SLC68A1: variants seen among roughly 807,000 people sequenced by gnomAD.
SLC68A1 encodes the protein solute carrier family 68 member 1, also known as major facilitator superfamily domain containing 13A.
At chr10:102,472,856 C>A in the SLC68A1 span, 1 of 1,613,788 alleles carries the variant, frequency 6.2e-7, no homozygotes, top group Non-Finnish European at 8.5e-7. Context: ...GGTTGCAGGT[C>A]TTCCACTGCC....
the SLC68A1 span, among the ~76,000 whole-genome samples, chr10:102,466,288 A>T: frequency 6.6e-6 from 1 of 152,114 alleles, no homozygotes; most frequent in Non-Finnish European, 1.5e-5. Context: ...GTTCAAGACC[A>T]GCCTGGGCAA....
chr10:102,462,152 C>G, the SLC68A1 span: 5 of 152,414 alleles, frequency 3.3e-5, no homozygotes, highest in Admixed American at 1.3e-4. Flanking sequence ...CACCCCCCAA[C>G]CCTGGTGCTA....
the SLC68A1 span, chr10:102,476,076 T>TG: frequency 9.1e-6 from 3 of 330,384 alleles, no homozygotes; most frequent in South Asian, 2.1e-4. Context: ...GATTTCATAG[T>TG]TTTTTTTTTT....
chr10:102,471,360 G>T, the SLC68A1 span: 1 of 1,613,614 alleles, frequency 6.2e-7, no homozygotes, highest in South Asian at 1.1e-5. Flanking sequence ...CACGCCATCG[G>T]AACTTCCTGT....
chr10:102,473,896 T>C, the SLC68A1 span: 7 of 1,614,030 alleles, frequency 4.3e-6, no homozygotes, highest in Non-Finnish European at 4.2e-6. Context: ...GACCTGGTGC[T>C]GAACCACCGC....
chr10:102,468,302 C>A, the SLC68A1 span: 3 of 152,188 alleles, frequency 2.0e-5, no homozygotes, highest in African/African-American at 7.2e-5. Flanking sequence ...GAAGCTAAGG[C>A]CTGGGTTGGG....
the SLC68A1 span, chr10:102,469,306 C>A: frequency 9.6e-7 from 1 of 1,043,350 alleles, no homozygotes; most frequent in Non-Finnish European, 1.5e-6. Context: ...CAGTCAGAGG[C>A]CTGGGCAGTC....
At chr10:102,475,465 G>A in the SLC68A1 span, among the ~76,000 whole-genome samples, 1 of 152,106 alleles carries the variant, frequency 6.6e-6, no homozygotes, top group African/African-American at 2.4e-5. Context: ...TGAAGGATTG[G>A]GTGTTGGGGA....
At chr10:102,470,711 C>T in the SLC68A1 span, 1 of 1,612,712 alleles carries the variant, frequency 6.2e-7, no homozygotes. Flanking sequence ...GGCCCGGGTG[C>T]AGGCCCTGGG....
chr10:102,472,145 A>G, the SLC68A1 span: 2 of 398,562 alleles, frequency 5.0e-6, no homozygotes, highest in African/African-American at 2.1e-5. Flanking sequence ...CCTGGGCGGC[A>G]GAGAAAGGCT....
chr10:102,469,778 C>T, the SLC68A1 span: 1 of 908,726 alleles, frequency 1.1e-6, no homozygotes, highest in East Asian at 1.2e-4. Flanking sequence ...AACTCCTGAC[C>T]TCAGGTGATC....
the SLC68A1 span, among the ~76,000 whole-genome samples, chr10:102,462,477 T>C: frequency 6.6e-6 from 1 of 152,160 alleles, no homozygotes; most frequent in African/African-American, 2.4e-5. Flanking sequence ...CTGATACCTC[T>C]CACTCCAGGG....
At chr10:102,473,454 GCA>G in the SLC68A1 span, 2 of 1,078,092 alleles carry the variant, frequency 1.9e-6, no homozygotes, top group Non-Finnish European at 2.7e-6. Flanking sequence ...GAAGCTCTTA[GCA>G]CAGAGCCCAG....
the SLC68A1 span, chr10:102,470,666 T>C: frequency 1.2e-6 from 2 of 1,604,672 alleles, no homozygotes; most frequent in Non-Finnish European, 1.7e-6. Flanking sequence ...CCCCGGCAGG[T>C]CAGGCGCCGG....
At chr10:102,475,977 T>A in the SLC68A1 span, 8 of 1,603,660 alleles carry the variant, frequency 5.0e-6, no homozygotes, top group Non-Finnish European at 6.0e-6. Context: ...GATGTTAAGA[T>A]GGTGTGAGAG....
the SLC68A1 span, among the ~76,000 whole-genome samples, chr10:102,467,918 A>G: frequency 6.6e-6 from 1 of 152,272 alleles, no homozygotes; most frequent in African/African-American, 2.4e-5. Context: ...CCGGCCTCCC[A>G]AAGTGCCTTA....
chr10:102,462,609 G>C, the SLC68A1 span, among the ~76,000 whole-genome samples: 2 of 152,132 alleles, frequency 1.3e-5, no homozygotes, highest in Non-Finnish European at 2.9e-5. Flanking sequence ...TTACCTACCA[G>C]GGGCCTGGTA....
At chr10:102,461,936 G>C in the SLC68A1 span, 2 of 152,230 alleles carry the variant, frequency 1.3e-5, no homozygotes, top group African/African-American at 4.8e-5. Context: ...CAGGCGGTGG[G>C]GAGCAGCCCT....
chr10:102,476,568 C>G, the SLC68A1 span: 1 of 986,080 alleles, frequency 1.0e-6, no homozygotes, highest in South Asian at 4.7e-5. Flanking sequence ...GAAGACATGG[C>G]AGCGGGTAGC....
Sources: allele counts gnomAD v4.1 joint callset (sites outside exome capture counted in the v4.1 genomes callset), GRCh38; gene constraint gnomAD v4.1.1; transcripts MANE v1.5; gene names NCBI Gene and HGNC (gene_info 2026-07-23, HGNC 2026-07-21).